PPP1R9A: variants seen among roughly 807,000 people sequenced by gnomAD.
The protein encoded by PPP1R9A is neurabin-1.
In PPP1R9A, 59 loss-of-function variants were observed where a neutral mutation model predicts 141.9. The ratio of observed to expected loss-of-function variants is 0.42; its 90% CI spans 0.34 to 0.52. The LOEUF is 0.52. Among genes scored for constraint, PPP1R9A ranks in the 20% least tolerant of loss-of-function variants. The probability of loss-of-function intolerance (pLI) is 0.10; values close to 1 mark genes in which losing one functional copy is unlikely to be tolerated. For missense variants in PPP1R9A, 1,444 were observed against 1,611.9 expected (o/e 0.90, Z 1.78); for synonymous variants, 500 against 569.7 (o/e 0.88, Z 1.74).
intron 7 of PPP1R9A, among the ~76,000 whole-genome samples, chr7:95,220,306 G>A (rs1794228666): frequency 6.6e-6 from 1 of 152,086 alleles, no homozygotes; most frequent in Admixed American, 6.6e-5. Context: ...TCTCACAGAA[G>A]TGCGTCTGAA....
intron 2 of PPP1R9A, among the ~76,000 whole-genome samples, chr7:95,045,470 A>C (rs1447762154): frequency 6.6e-6 from 1 of 152,204 alleles, no homozygotes; most frequent in Non-Finnish European, 1.5e-5. Context: ...CAGTGTGTTT[A>C]AGAAGTTGTA....
intron 2 of PPP1R9A, among the ~76,000 whole-genome samples, chr7:95,046,456 G>A (rs1354838767): frequency 6.6e-6 from 1 of 152,172 alleles, no homozygotes. Context: ...CAGATAACCC[G>A]ATGGCCTTTG....
intron 2 of PPP1R9A, among the ~76,000 whole-genome samples, chr7:94,973,794 C>G (rs1423617639): frequency 6.6e-6 from 1 of 151,036 alleles, no homozygotes; most frequent in Non-Finnish European, 1.5e-5. Flanking sequence ...TCATAGCTCA[C>G]TGTTGCCTCA....
intron 7 of PPP1R9A, among the ~76,000 whole-genome samples, chr7:95,224,431 G>A (rs1794862843): frequency 6.6e-6 from 1 of 152,116 alleles, no homozygotes; most frequent in Non-Finnish European, 1.5e-5. Context: ...GAGTGTGAAG[G>A]ATGCTGTGGC....
chr7:95,008,608 G>A (rs560149164), intron 2 of PPP1R9A, among the ~76,000 whole-genome samples: 11 of 152,242 alleles, frequency 7.2e-5, no homozygotes, highest in African/African-American at 1.9e-4. Context: ...CACCATGTAC[G>A]TTGTAAGCTT....
intron 7 of PPP1R9A, among the ~76,000 whole-genome samples, chr7:95,213,618 C>T (rs1318881451): frequency 6.6e-6 from 1 of 152,108 alleles, no homozygotes; most frequent in Non-Finnish European, 1.5e-5. Flanking sequence ...GCCTCCACGC[C>T]CAGCCTGGTT....
intron 2 of PPP1R9A, among the ~76,000 whole-genome samples, chr7:94,939,440 G>A (rs1795097996): frequency 2.6e-5 from 4 of 152,096 alleles, no homozygotes; most frequent in Middle Eastern, 3.4e-3. Flanking sequence ...CTTAGCAGAA[G>A]CATTCAGATT....
chr7:95,089,435 T>C (rs1314515974), intron 2 of PPP1R9A, among the ~76,000 whole-genome samples: 3 of 152,080 alleles, frequency 2.0e-5, no homozygotes. Context: ...TTTTCTAACA[T>C]AAGCTTTGAA....
At position 94,910,857 on chromosome 7, in the gene PPP1R9A, A is replaced by G. The variant is rs775935783; in HGVS notation, c.744A>G (p.Thr248=). The G allele has an allele frequency of 3.1e-6, 5 of 1,613,834 alleles. No individual in the cohort carries two copies. The highest frequency in any genetic ancestry group is 1.7e-5 in the Admixed American group (1 of 60,010). Residue 248 remains threonine, a synonymous_variant, in exon 2 of 20, where the codon ACA becomes ACG. Transcript: ENST00000433360. This position sits in a 1 kb window ranked among gnomAD's most constrained non-coding sequence, Gnocchi z 4.5. ...LPSVTVTNLD[T]FGHLKDSNSW... Reference sequence around the variant, plus strand: ...CTGTTACTGTTACAAATCTTGACACATTTGGTCACCTGAAGGATTCTAATT... The same window carrying G: ...CTGTTACTGTTACAAATCTTGACACGTTTGGTCACCTGAAGGATTCTAATT...
intron 2 of PPP1R9A, among the ~76,000 whole-genome samples, chr7:94,961,729 A>C (rs930564678): frequency 6.6e-6 from 1 of 151,896 alleles, no homozygotes; most frequent in African/African-American, 2.4e-5. Flanking sequence ...GTATGAATTA[A>C]AGTATTTGGA....
intron 4 of PPP1R9A, among the ~76,000 whole-genome samples, chr7:95,145,580 C>T (rs1173553743): frequency 6.6e-6 from 1 of 152,150 alleles, no homozygotes; most frequent in African/African-American, 2.4e-5. Context: ...ATCAGTTAAT[C>T]ACTTTGAATG....
At chr7:95,080,236 C>A (rs1449172806) in intron 2 of PPP1R9A, among the ~76,000 whole-genome samples, 1 of 152,310 alleles carries the variant, frequency 6.6e-6, no homozygotes, top group East Asian at 1.9e-4. Context: ...GCAACTTCAG[C>A]AAAGTCTCAG....
intron 2 of PPP1R9A, among the ~76,000 whole-genome samples, chr7:95,027,072 C>T (rs754569333): frequency 1.8e-4 from 28 of 152,078 alleles, no homozygotes; most frequent in Non-Finnish European, 3.1e-4. Flanking sequence ...TGACTTCAGC[C>T]CCCTTTCCAA....
At chr7:95,286,377 C>G in intron 18 of PPP1R9A, 52 bp downstream of exon 18, 2 of 1,598,268 alleles carry the variant, frequency 1.3e-6, no homozygotes. Flanking sequence ...GACGTTTTAC[C>G]CATGAACCAT....
intron 2 of PPP1R9A, among the ~76,000 whole-genome samples, chr7:94,997,065 AAGTGTTGGGATT>A (rs1291417307): frequency 1.3e-5 from 2 of 152,136 alleles, no homozygotes; most frequent in East Asian, 3.9e-4. Flanking sequence ...CGGCCTCCCA[AAGTGTTGGGATT>A]ACAGGCGTGA....
intron 2 of PPP1R9A, among the ~76,000 whole-genome samples, chr7:95,028,260 C>T (rs1462048581): frequency 2.0e-5 from 3 of 151,992 alleles, no homozygotes; most frequent in Admixed American, 1.3e-4. Context: ...GATTTTAGAT[C>T]AATTTAGTAA....
intron 1 of PPP1R9A, among the ~76,000 whole-genome samples, chr7:94,909,562 T>C (rs1351148906): frequency 6.6e-6 from 1 of 152,202 alleles, no homozygotes; most frequent in Non-Finnish European, 1.5e-5. Flanking sequence ...TGGTTTCTTT[T>C]TAAAGGGCAT....
At chr7:95,271,456 G>A (rs1331273179) in intron 14 of PPP1R9A, among the ~76,000 whole-genome samples, 2 of 152,178 alleles carry the variant, frequency 1.3e-5, no homozygotes, top group African/African-American at 2.4e-5. Flanking sequence ...TGGGCTTCAC[G>A]CCTCAGAACA....
intron 2 of PPP1R9A, among the ~76,000 whole-genome samples, chr7:95,108,487 T>A (rs916967710): frequency 1.3e-5 from 2 of 151,728 alleles, no homozygotes; most frequent in East Asian, 3.9e-4. Context: ...ATTTTTTGTA[T>A]TTTTAGTGGA....
Sources: gnomAD v4.1 joint callset for allele counts (sites outside exome capture counted in the v4.1 genomes callset) on GRCh38, gnomAD v4.1.1 for gene constraint, Gnocchi (gnomAD v3.1) non-coding constraint, MANE v1.5 for transcripts, NCBI Gene and HGNC (gene_info 2026-07-23, HGNC 2026-07-21) for gene names.